SLC4A4: variants seen among roughly 807,000 people sequenced by gnomAD.
SLC4A4 encodes the protein solute carrier family 4 member 4.
SLC4A4 carries 27 observed loss-of-function variants against 111.5 expected under a neutral mutation model. The observed-to-expected ratio is 0.24, with a 90% CI of 0.18 to 0.33. SLC4A4 has a LOEUF of 0.33. Among genes scored for constraint, SLC4A4 ranks in the 10% least tolerant of loss-of-function variants. The pLI is 1.00. For missense variants in SLC4A4, 909 were observed against 1,315.5 expected, an observed-to-expected ratio of 0.69 and a Z score of 4.78; for synonymous variants, 443 against 463.4, an observed-to-expected ratio of 0.96 and a Z score of 0.57.
At chr4:71,350,237 A>G (rs1012265214) in intron 5 of SLC4A4, among the ~76,000 whole-genome samples, 165 bp downstream of exon 5, 1 of 152,210 alleles carries the variant, frequency 6.6e-6, no homozygotes, top group East Asian at 1.9e-4. Context: ...AGAAAATCTG[A>G]AAAATACACA....
chr4:71,558,164 T>C (rs1736639045), intron 22 of SLC4A4, among the ~76,000 whole-genome samples: 1 of 151,950 alleles, frequency 6.6e-6, no homozygotes, highest in Non-Finnish European at 1.5e-5. Context: ...GGGAGTTGCA[T>C]TGTTGTTTTT....
intron 2 of SLC4A4, among the ~76,000 whole-genome samples, chr4:71,133,222 T>C (rs1370018993): frequency 6.6e-6 from 1 of 152,214 alleles, no homozygotes; most frequent in African/African-American, 2.4e-5. Context: ...CATTAAGACA[T>C]CTTCTTAAGG....
chr4:71,173,625 T>A (rs918777665), intron 2 of SLC4A4, among the ~76,000 whole-genome samples: 1 of 152,210 alleles, frequency 6.6e-6, no homozygotes, highest in Non-Finnish European at 1.5e-5. Flanking sequence ...TCTGCCTGCC[T>A]CAGCCTCCCA....
At chr4:71,145,047 G>A (rs1189312797) in intron 2 of SLC4A4, among the ~76,000 whole-genome samples, 15 of 151,980 alleles carry the variant, frequency 9.9e-5, no homozygotes, top group Non-Finnish European at 1.9e-4. Flanking sequence ...GGAATGCTTC[G>A]AGTTTTTGTC....
chr4:71,491,649 C>T (rs967224442), intron 15 of SLC4A4, among the ~76,000 whole-genome samples: 5 of 151,834 alleles, frequency 3.3e-5, no homozygotes, highest in African/African-American at 1.2e-4. Flanking sequence ...AGGCTCTGAC[C>T]ACTCACAACC....
intron 6 of SLC4A4, among the ~76,000 whole-genome samples, chr4:71,393,516 G>A (rs1422626578): frequency 1.3e-5 from 2 of 152,108 alleles, no homozygotes; most frequent in African/African-American, 4.8e-5. Context: ...AATCATAGAT[G>A]ACACAAACAA....
chr4:71,338,503 T>A (rs1728608698), intron 3 of SLC4A4, among the ~76,000 whole-genome samples: 1 of 152,016 alleles, frequency 6.6e-6, no homozygotes, highest in Admixed American at 6.6e-5. Context: ...ACTGCTTTTC[T>A]TTCTCTCTCT....
At chr4:71,196,510 T>G (rs190521777) in intron 1 of SLC4A4, among the ~76,000 whole-genome samples, 1 of 152,284 alleles carries the variant, frequency 6.6e-6, no homozygotes, top group East Asian at 1.9e-4. Flanking sequence ...TGCCAAAACC[T>G]TAGGCAGTGA....
chr4:71,509,663 G>T (rs1295466675), intron 16 of SLC4A4, among the ~76,000 whole-genome samples: 1 of 152,164 alleles, frequency 6.6e-6, no homozygotes. Flanking sequence ...CAGGCTGTGT[G>T]GCCAGCAATC....
At chr4:71,558,603 T>C (rs1408582964) in intron 22 of SLC4A4, among the ~76,000 whole-genome samples, 1 of 151,964 alleles carries the variant, frequency 6.6e-6, no homozygotes, top group African/African-American at 2.4e-5. Flanking sequence ...TATGTACACT[T>C]AAAACAAGTC....
At chr4:71,153,448 A>G (rs1348144141) in intron 2 of SLC4A4, among the ~76,000 whole-genome samples, 2 of 152,088 alleles carry the variant, frequency 1.3e-5, no homozygotes, top group Non-Finnish European at 2.9e-5. Flanking sequence ...CTAGGGAGTG[A>G]CGAAAAGACA....
chr4:71,100,642 A>T (rs549556077), intron 2 of SLC4A4, among the ~76,000 whole-genome samples: 1 of 152,330 alleles, frequency 6.6e-6, no homozygotes, highest in South Asian at 2.1e-4. Flanking sequence ...AAATAGAAAG[A>T]GAGGAAGTCA....
intron 3 of SLC4A4, among the ~76,000 whole-genome samples, chr4:71,289,583 A>G (rs1408967092): frequency 6.6e-6 from 1 of 152,056 alleles, no homozygotes; most frequent in African/African-American, 2.4e-5. Context: ...CAATAAGTGG[A>G]AAAAAAACAG....
At position 71,320,412 on chromosome 4, in the gene SLC4A4, G is replaced by A. The variant is rs566185089; in HGVS notation, c.254-18958G>A. Among the ~76,000 whole-genome samples, 19 of 151,964 alleles carry A rather than the reference G, an allele frequency of 1.3e-4. No homozygotes were observed. In the South Asian group the frequency reaches 2.7e-3, roughly 22 times the overall value. Reference sequence around the variant, plus strand: ...CCTCTTGTGGATTTTGGCTTATCTCGTTCATCAGGCCCAGAGCACCTTCCA... The same window carrying A: ...CCTCTTGTGGATTTTGGCTTATCTCATTCATCAGGCCCAGAGCACCTTCCA... On this transcript the variant is annotated intron_variant, in intron 3 of 25. Coordinates refer to ENST00000264485, the MANE Select transcript of SLC4A4 (RefSeq NM_001098484.3).
At chr4:71,157,333 A>G (rs1744505139) in intron 2 of SLC4A4, among the ~76,000 whole-genome samples, 1 of 152,214 alleles carries the variant, frequency 6.6e-6, no homozygotes, top group African/African-American at 2.4e-5. Context: ...ATTTTTCTTC[A>G]TATAAAAGTA....
At chr4:71,106,850 C>A (rs1365138436) in intron 2 of SLC4A4, among the ~76,000 whole-genome samples, 1 of 148,186 alleles carries the variant, frequency 6.7e-6, no homozygotes, top group African/African-American at 2.5e-5. Context: ...GTGCAGCACA[C>A]CAGCATGGCA....
At chr4:71,338,717 T>C (rs922482627) in intron 3 of SLC4A4, among the ~76,000 whole-genome samples, 10 of 152,038 alleles carry the variant, frequency 6.6e-5, no homozygotes, top group African/African-American at 1.9e-4. Context: ...TTTTTTTTTT[T>C]TCTCTCTCCC....
At chr4:71,273,174 G>C (rs968423728) in intron 3 of SLC4A4, among the ~76,000 whole-genome samples, 1 of 152,168 alleles carries the variant, frequency 6.6e-6, no homozygotes, top group Non-Finnish European at 1.5e-5. Context: ...GAAATGTAGA[G>C]AAGTGAGTAA....
At position 71,373,294 on chromosome 4, in the gene SLC4A4, A is replaced by G. The variant is rs141116304; in HGVS notation, c.730+16107A>G. Among the ~76,000 whole-genome samples, 29 of 152,340 alleles carry G rather than the reference A, an allele frequency of 1.9e-4. 2 individuals are homozygous for G. The East Asian group carries it at 5.4e-3, about 28-fold the overall frequency. On this transcript the variant is annotated intron_variant, in intron 6 of 25. Transcript: ENST00000264485. ...GGGTAGGGGGCAGACTGGTTTGTCTACAGTGTGTACAACAGTAGCATTTAT... is the reference window on the plus strand; with the variant it reads ...GGGTAGGGGGCAGACTGGTTTGTCTGCAGTGTGTACAACAGTAGCATTTAT...
Sources: allele counts gnomAD v4.1 joint callset (sites outside exome capture counted in the v4.1 genomes callset), GRCh38; gene constraint gnomAD v4.1.1; transcripts MANE v1.5; gene names NCBI Gene and HGNC (gene_info 2026-07-23, HGNC 2026-07-21).